Variants in CCNY observed in about 807,000 individuals in gnomAD.
CCNY encodes the protein cyclin Y.
Under a neutral mutation model 42.8 loss-of-function variants are expected in CCNY, and 19 were observed. The observed-to-expected ratio is 0.44, with a 90% CI of 0.31 to 0.65. The LOEUF is 0.65. CCNY is among the 30% of genes least tolerant of loss of function. The pLI, the probability that CCNY is intolerant of heterozygous loss-of-function variation, is 0.07. For synonymous variants in CCNY, 165 were observed against 162.7 expected (o/e 1.01, Z -0.11); for missense variants, 370 against 437.3 (o/e 0.85, Z 1.37).
chr10:35,491,119 A>G (rs1341871789), intron 2 of CCNY, among the ~76,000 whole-genome samples: 1 of 152,096 alleles, frequency 6.6e-6, no homozygotes, highest in Non-Finnish European at 1.5e-5. Flanking sequence ...TGGGCTGCCC[A>G]TGCCCTTGCC....
intron 7 of CCNY, among the ~76,000 whole-genome samples, chr10:35,544,972 A>AG (rs1470270932): frequency 2.0e-5 from 3 of 152,196 alleles, no homozygotes; most frequent in South Asian, 4.1e-4. Flanking sequence ...TAGAGGGCAG[A>AG]GGGGGTTGTT....
At chr10:35,465,553 T>A (rs1363331735) in intron 1 of CCNY, among the ~76,000 whole-genome samples, 1 of 152,198 alleles carries the variant, frequency 6.6e-6, no homozygotes, top group Non-Finnish European at 1.5e-5. Context: ...TACAACTTCT[T>A]GTTCTGGCAC....
At chr10:35,432,457 T>C (rs1317544894) in intron 1 of CCNY, among the ~76,000 whole-genome samples, 4 of 152,244 alleles carry the variant, frequency 2.6e-5, no homozygotes, top group Admixed American at 6.5e-5. Flanking sequence ...CTTTGAACTT[T>C]AGTGAGACCT....
At chr10:35,531,041 C>T (rs2135424239) in intron 7 of CCNY, among the ~76,000 whole-genome samples, 1 of 152,326 alleles carries the variant, frequency 6.6e-6, no homozygotes, top group South Asian at 2.1e-4. Flanking sequence ...TGCACTCCAG[C>T]CCGAGGGGCA....
At chr10:35,283,359 A>G (rs1835318021) in intron 3 of CCNY, among the ~76,000 whole-genome samples, 2 of 152,274 alleles carry the variant, frequency 1.3e-5, no homozygotes, top group South Asian at 2.1e-4. Context: ...AGGAAAGACA[A>G]TAGCGGAAAA....
intron 1 of CCNY, among the ~76,000 whole-genome samples, chr10:35,361,963 CTT>C (rs1308493547): frequency 1.3e-5 from 2 of 152,214 alleles, no homozygotes; most frequent in Non-Finnish European, 1.5e-5. Context: ...ACACCTGACA[CTT>C]TTGCTTTCTG....
intron 8 of CCNY, among the ~76,000 whole-genome samples, chr10:35,554,797 A>G (rs1252688384): frequency 6.6e-6 from 1 of 152,242 alleles, no homozygotes; most frequent in African/African-American, 2.4e-5. Flanking sequence ...TATCCTAACT[A>G]TATTTCCAAA....
intron 1 of CCNY, among the ~76,000 whole-genome samples, chr10:35,415,701 C>T (rs1395268987): frequency 6.6e-6 from 1 of 152,196 alleles, no homozygotes; most frequent in Non-Finnish European, 1.5e-5. Flanking sequence ...TGTTTCCCAG[C>T]TTCTGTTGCA....
At chr10:35,533,087 C>G (rs543104443) in intron 7 of CCNY, among the ~76,000 whole-genome samples, 37 of 152,292 alleles carry the variant, frequency 2.4e-4, no homozygotes, top group African/African-American at 8.2e-4. Flanking sequence ...GGTCGGCTTT[C>G]TTGCTTCGGA....
Position 35,362,542 on chromosome 10 carries a change from C to T in CCNY, c.154+25335C>T, listed in dbSNP as rs189595574. Among the ~76,000 whole-genome samples the T allele has an allele frequency of 1.8e-3, 271 of 151,304 alleles. 5 individuals are homozygous for T. In the South Asian group the frequency reaches 0.041, roughly 23 times the overall value. ...CACTTGCAGCCTAAGAGGTCCATGT[C>T]GTGTAGGGACCTGAATGCCAAGCTA... On this transcript the variant is annotated intron_variant, in intron 1 of 9. Transcript: ENST00000374704.
chr10:35,282,341 G>C (rs956449175), intron 3 of CCNY, among the ~76,000 whole-genome samples: 21 of 151,754 alleles, frequency 1.4e-4, no homozygotes, highest in African/African-American at 4.8e-4. Flanking sequence ...TGCCCAGGTT[G>C]GTCTTGAACT....
At chr10:35,473,391 T>C (rs1219085613) in intron 1 of CCNY, among the ~76,000 whole-genome samples, 3 of 152,336 alleles carry the variant, frequency 2.0e-5, no homozygotes, top group Admixed American at 6.5e-5. Flanking sequence ...ACTATTTAAA[T>C]TTTATAAGTT....
intron 3 of CCNY, among the ~76,000 whole-genome samples, chr10:35,261,965 G>A (rs2095720050): frequency 6.6e-6 from 1 of 151,962 alleles, no homozygotes. Context: ...AGGTTGCAGT[G>A]AGCTGAGATG....
intron 1 of CCNY, among the ~76,000 whole-genome samples, chr10:35,356,984 A>G (rs1250836386): frequency 6.6e-6 from 1 of 152,088 alleles, no homozygotes; most frequent in Non-Finnish European, 1.5e-5. Flanking sequence ...TCCATGCACA[A>G]GGGCCTCCCA....
Position 35,526,010 on chromosome 10 carries a change from G to A in CCNY, c.401+11G>A. ...TCACATCAAAAACAGGTATGTGGAT[G>A]GTTGTGTGCTAAAAACATCATACGT... On this transcript the variant is annotated intron_variant, in intron 5 of 9. Transcript: ENST00000374704. The A allele has an allele frequency of 6.2e-7, 1 of 1,607,342 alleles. No individual in the cohort carries two copies. The highest frequency in any genetic ancestry group is 8.5e-7 in the Non-Finnish European group (1 of 1,176,452).
intron 1 of CCNY, among the ~76,000 whole-genome samples, chr10:35,385,765 C>G (rs1399531250): frequency 6.6e-6 from 1 of 152,136 alleles, no homozygotes; most frequent in Non-Finnish European, 1.5e-5. Context: ...CTTGGGGTGC[C>G]TTCCATAAAT....
At chr10:35,329,005 T>C (rs1835910553) in intron 3 of CCNY, among the ~76,000 whole-genome samples, 1 of 152,218 alleles carries the variant, frequency 6.6e-6, no homozygotes, top group South Asian at 2.1e-4. Context: ...TTGATAAGTA[T>C]GTATAAAATG....
chr10:35,429,593 CAG>C (rs1838340359), intron 1 of CCNY, among the ~76,000 whole-genome samples: 1 of 152,124 alleles, frequency 6.6e-6, no homozygotes, highest in South Asian at 2.1e-4. Flanking sequence ...ATCTGTAAAA[CAG>C]GGAGAAAATG....
At chr10:35,294,885 T>C (rs2135066965) in intron 3 of CCNY, among the ~76,000 whole-genome samples, 1 of 152,332 alleles carries the variant, frequency 6.6e-6, no homozygotes, top group East Asian at 1.9e-4. Context: ...ATTTTCATCG[T>C]GGTAGTTTTC....
Sources: gnomAD v4.1 joint callset for allele counts (sites outside exome capture counted in the v4.1 genomes callset) on GRCh38, gnomAD v4.1.1 for gene constraint, MANE v1.5 for transcripts, NCBI Gene and HGNC (gene_info 2026-07-23, HGNC 2026-07-21) for gene names.